Variants in PCNX1 observed in about 807,000 individuals in gnomAD.
PCNX1 encodes pecanex 1, also known as pecanex-like protein 1.
PCNX1 carries 78 observed loss-of-function variants against 242.2 expected under a neutral mutation model. That is an observed-to-expected ratio of 0.32 (90% confidence interval 0.27 to 0.39). The LOEUF (loss-of-function observed/expected upper bound fraction) is 0.39, where lower values mean the gene tolerates loss of function less well. PCNX1 is among the 10% of genes least tolerant of loss of function. The probability of loss-of-function intolerance (pLI) is 1.00; values close to 1 mark genes in which losing one functional copy is unlikely to be tolerated. For synonymous variants in PCNX1, 1,024 were observed against 1,032.9 expected (o/e 0.99, Z 0.17); for missense variants, 2,581 against 2,856.5 (o/e 0.90, Z 2.20).
intron 19 of PCNX1, among the ~76,000 whole-genome samples, chr14:71,039,223 T>TA (rs536179006): frequency 0.015 from 2,265 of 147,602 alleles, 23 homozygotes; most frequent in Middle Eastern, 0.038. Context: ...AAAGTATAAT[T>TA]AAAAAAAAAA....
Position 70,978,135 on chromosome 14 carries a change from G to A in PCNX1, c.1798G>A (p.Glu600Lys), listed in dbSNP as rs561610333. ...KPHSAIFCHD[E>K]DSSDQSDLSR... ...ACACAGTGCTATATTTTGTCATGAC[G>A]AAGACTCTAGTGATCAGAGTGACTT... is the stretch of plus-strand genomic sequence containing the variant. Residue 600 changes from glutamate to lysine, a missense_variant, in exon 6 of 36, where the codon GAA becomes AAA. Physicochemically the swap from Glu to Lys is moderately conservative, Grantham distance 56. This residue lies in a region of PCNX1 where 1,204 missense variants were observed against 1,216.7 expected (regional missense o/e 0.99). Transcript: ENST00000304743. 3.1e-6 allele frequency: 5 copies of A among 1,614,106 alleles called. No individual in the cohort carries two copies. The South Asian group carries it at 4.4e-5, about 14-fold the overall frequency.
intron 19 of PCNX1, among the ~76,000 whole-genome samples, chr14:71,038,665 G>T (rs895406262): frequency 5.3e-5 from 8 of 150,732 alleles, no homozygotes; most frequent in South Asian, 2.1e-4. Flanking sequence ...TCAGTGTGGC[G>T]ATTCCTCAGG....
chr14:70,998,627 T>A (rs1447877522), intron 8 of PCNX1, among the ~76,000 whole-genome samples: 3 of 151,758 alleles, frequency 2.0e-5, no homozygotes, highest in Non-Finnish European at 4.4e-5. Context: ...GGCACGTGCC[T>A]GTAATCCCAG....
intron 30 of PCNX1, among the ~76,000 whole-genome samples, chr14:71,095,798 T>A (rs2062260655): frequency 1.3e-5 from 2 of 152,210 alleles, no homozygotes; most frequent in African/African-American, 4.8e-5. Flanking sequence ...TTAAAGCCAG[T>A]GAAAAGAGAT....
chr14:70,932,527 C>CCCTAGTCA (rs2056842036), intron 1 of PCNX1, among the ~76,000 whole-genome samples: 1 of 151,838 alleles, frequency 6.6e-6, no homozygotes, highest in Non-Finnish European at 1.5e-5. Flanking sequence ...TGTTCCTAGT[C>CCCTAGTCA]CCTAGTCAGT....
At chr14:71,035,624 G>C (rs2060507580) in intron 18 of PCNX1, among the ~76,000 whole-genome samples, 2 of 149,720 alleles carry the variant, frequency 1.3e-5, no homozygotes, top group Admixed American at 1.3e-4. Context: ...AGCTGGGTAT[G>C]GTGGGGTGTG....
intron 2 of PCNX1, among the ~76,000 whole-genome samples, chr14:70,948,703 AC>A (rs2057571307): frequency 6.7e-6 from 1 of 148,724 alleles, no homozygotes; most frequent in Non-Finnish European, 1.5e-5. Flanking sequence ...GTGTATATAT[AC>A]ACACATACAC....
chr14:70,986,643 C>T lies in PCNX1; in HGVS notation c.2312-1924C>T, dbSNP rs114768213. ...TCCTGTTCTGTATGATTACGTACTG[C>T]TTTTATCCCAAATCCTTCAGAATAA... On this transcript the variant is annotated intron_variant, in intron 6 of 35. Transcript: ENST00000304743. 7.2e-3 allele frequency among the ~76,000 whole-genome samples: 1,098 copies of T among 152,236 alleles called. 8 individuals carry two copies. Among genetic ancestry groups the T allele is most frequent in the South Asian group, 0.016 (78 of 4,826 alleles).
chr14:71,085,594 G>T (rs772041928), intron 28 of PCNX1: 1 of 154,724 alleles, frequency 6.5e-6, no homozygotes, highest in African/African-American at 2.4e-5. Flanking sequence ...ACCATGAGAG[G>T]CACGCCATTC....
chr14:71,044,997 T>C, intron 19 of PCNX1, 136 bp from the exon 20 acceptor site: 1 of 617,070 alleles, frequency 1.6e-6, no homozygotes, highest in Non-Finnish European at 2.8e-6. Context: ...ATGTTAACTG[T>C]AGAAAAATGT....
chr14:71,006,641 A>G (rs1258701628), intron 8 of PCNX1, among the ~76,000 whole-genome samples: 1 of 152,202 alleles, frequency 6.6e-6, no homozygotes, highest in Non-Finnish European at 1.5e-5. Context: ...AAGTTTAAAT[A>G]TGATGGTTTT....
chr14:71,062,630 T>G (rs2141294670), intron 26 of PCNX1, among the ~76,000 whole-genome samples: 1 of 152,236 alleles, frequency 6.6e-6, no homozygotes, highest in East Asian at 1.9e-4. Context: ...AATTGAAAGT[T>G]TATAAAGTAA....
chr14:71,016,902 G>A (rs1326405728), intron 11 of PCNX1, among the ~76,000 whole-genome samples: 1 of 151,992 alleles, frequency 6.6e-6, no homozygotes. Context: ...AAATAATAAA[G>A]AAAATCAAGG....
chr14:71,075,706 G>A (rs1307918268), intron 27 of PCNX1, among the ~76,000 whole-genome samples: 3 of 151,988 alleles, frequency 2.0e-5, no homozygotes, highest in African/African-American at 7.3e-5. Flanking sequence ...AGACCAACCT[G>A]GCCAAAATGG....
intron 26 of PCNX1, among the ~76,000 whole-genome samples, chr14:71,069,816 T>G (rs2061545846): frequency 6.6e-6 from 1 of 152,210 alleles, no homozygotes; most frequent in Admixed American, 6.6e-5. Flanking sequence ...GTCAGGTTGG[T>G]GATTGCCGAA....
At chr14:71,010,227 G>C (rs1363589128) in intron 9 of PCNX1, among the ~76,000 whole-genome samples, 2 of 152,046 alleles carry the variant, frequency 1.3e-5, no homozygotes, top group Non-Finnish European at 2.9e-5. Flanking sequence ...CAGTGGCACA[G>C]TGTTTTCCCA....
At chr14:70,909,604 A>G (rs757778586) in intron 1 of PCNX1, among the ~76,000 whole-genome samples, 3 of 152,192 alleles carry the variant, frequency 2.0e-5, no homozygotes, top group Non-Finnish European at 2.9e-5. Context: ...CTTTTTTAAC[A>G]CTTGTAGTAA....
In PCNX1 at chr14:70,977,595, T is replaced by C. The variant is rs2058722673; in HGVS notation, c.1258T>C (p.Ser420Pro). The part of the protein sequence containing the change: ...IESILSEHEE[S>P]PKAGTKSGRK... ...GAGCATCCTGTCAGAGCATGAGGAG[T>C]CTCCTAAAGCAGGAACAAAAAGTGG... The change falls in exon 6 of 36, where the codon TCT (serine) becomes CCT (proline). Residue 420 changes from serine (S) to proline (P), a missense_variant. This residue lies in a region of PCNX1 where 1,204 missense variants were observed against 1,216.7 expected (regional missense o/e 0.99). Coordinates refer to ENST00000304743, the MANE Select transcript of PCNX1 (RefSeq NM_014982.3). The C allele has an allele frequency of 2.5e-6, 4 of 1,613,256 alleles. No homozygotes were observed. Among genetic ancestry groups the C allele is most frequent in the Admixed American group, 1.7e-5 (1 of 59,938 alleles).
chr14:71,061,948 TC>T (rs908935416), intron 26 of PCNX1, among the ~76,000 whole-genome samples: 5 of 152,000 alleles, frequency 3.3e-5, no homozygotes, highest in African/African-American at 9.6e-5. Flanking sequence ...CCAAGAAAAT[TC>T]ACAGTGAAGG....
Sources: gnomAD v4.1 joint callset for allele counts (sites outside exome capture counted in the v4.1 genomes callset) on GRCh38, gnomAD v4.1.1 for gene constraint, gnomAD v4.1.1 regional missense constraint, MANE v1.5 for transcripts, NCBI Gene and HGNC (gene_info 2026-07-23, HGNC 2026-07-21) for gene names.